The following ROBO2 variants were observed in gnomAD, a reference collection of about 807,000 sequenced individuals.
ROBO2 encodes roundabout homolog 2.
In ROBO2, 53 loss-of-function variants were observed where a neutral mutation model predicts 160.8. That is an observed-to-expected ratio of 0.33 (90% CI 0.26 to 0.41). The LOEUF (loss-of-function observed/expected upper bound fraction) is 0.41, where lower values mean the gene tolerates loss of function less well. Ranked by LOEUF, ROBO2 falls within the 10% of genes least tolerant of loss-of-function variation. The pLI, the probability that ROBO2 is intolerant of heterozygous loss-of-function variation, is 1.00. For missense variants in ROBO2, 1,577 were observed against 1,722.4 expected (o/e 0.92, Z 1.49); for synonymous variants, 664 against 611.7 (o/e 1.09, Z -1.26).
intron 2 of ROBO2, among the ~76,000 whole-genome samples, chr3:77,125,758 G>T (rs543548311): frequency 3.3e-5 from 5 of 152,162 alleles, no homozygotes; most frequent in East Asian, 1.9e-4. Context: ...TAATAAAGTT[G>T]TTGTATATAT....
intron 2 of ROBO2, among the ~76,000 whole-genome samples, chr3:77,401,774 A>T (rs560661996): frequency 2.6e-5 from 4 of 152,128 alleles, no homozygotes; most frequent in Non-Finnish European, 5.9e-5. Context: ...ATAATTGGTT[A>T]TATACCCAAT....
At chr3:77,361,723 C>T (rs777221630) in intron 2 of ROBO2, among the ~76,000 whole-genome samples, 6 of 152,116 alleles carry the variant, frequency 3.9e-5, no homozygotes, top group South Asian at 2.1e-4. Context: ...CCCTTGGCCC[C>T]GACCTCTTAG....
intron 2 of ROBO2, among the ~76,000 whole-genome samples, chr3:76,904,415 C>T (rs1246744027): frequency 6.6e-6 from 1 of 152,092 alleles, no homozygotes; most frequent in Non-Finnish European, 1.5e-5. Flanking sequence ...GCTAAGCTGA[C>T]AAAACCTACT....
intron 2 of ROBO2, among the ~76,000 whole-genome samples, chr3:77,218,003 C>A (rs929646741): frequency 1.3e-5 from 2 of 152,168 alleles, no homozygotes; most frequent in Non-Finnish European, 2.9e-5. Flanking sequence ...TCCTGATTAT[C>A]CATGCCAAAG....
chr3:77,497,584 A>C (rs1428723179), intron 5 of ROBO2, among the ~76,000 whole-genome samples: 1 of 152,126 alleles, frequency 6.6e-6, no homozygotes, highest in Admixed American at 6.5e-5. Context: ...AAATACAGTA[A>C]AGAAGTAAAT....
Position 76,136,156 on chromosome 3 carries a change from CT to C in ROBO2, c.109+198555del, listed in dbSNP as rs752724642. Among the ~76,000 whole-genome samples, 47 of 152,190 alleles carry C rather than the reference CT, an allele frequency of 3.1e-4. 2 individuals are homozygous for C. The highest frequency in any genetic ancestry group is 5.0e-4 in the Non-Finnish European group (34 of 68,014). ...TTGTGTATCCATTGGGTTTAATACT[CT>C]CTTGACAGCATTTTTGGAAGGTATT... On this transcript the variant is annotated intron_variant, in intron 2 of 26. Coordinates refer to the ROBO2 transcript ENST00000487694.
intron 2 of ROBO2, among the ~76,000 whole-genome samples, chr3:76,790,449 G>A (rs1381402731): frequency 1.3e-5 from 2 of 151,608 alleles, no homozygotes; most frequent in African/African-American, 4.8e-5. Flanking sequence ...AACTACAGAT[G>A]CTTCTCCACT....
chr3:77,485,368 T>C (rs138279959), intron 4 of ROBO2, among the ~76,000 whole-genome samples: 1 of 152,290 alleles, frequency 6.6e-6, no homozygotes, highest in East Asian at 1.9e-4. Flanking sequence ...CATCTCATGA[T>C]GCTCTTGAGA....
intron 2 of ROBO2, among the ~76,000 whole-genome samples, chr3:77,382,815 T>G (rs975089019): frequency 3.3e-5 from 5 of 152,210 alleles, no homozygotes; most frequent in Non-Finnish European, 7.4e-5. Context: ...TATCCACTCA[T>G]TAGTCAATAG....
chr3:76,376,567 A>G (rs991636215), intron 2 of ROBO2, among the ~76,000 whole-genome samples: 6 of 152,242 alleles, frequency 3.9e-5, no homozygotes, highest in African/African-American at 1.4e-4. Context: ...TAGCAATATT[A>G]CTGAGCAAAT....
intron 2 of ROBO2, among the ~76,000 whole-genome samples, chr3:76,790,072 G>A (rs1357575186): frequency 6.6e-6 from 1 of 151,556 alleles, no homozygotes; most frequent in Non-Finnish European, 1.5e-5. Flanking sequence ...GTAAGTTTTG[G>A]TTAAGAAAAT....
At chr3:76,000,336 T>C (rs1276195237) in intron 2 of ROBO2, among the ~76,000 whole-genome samples, 2 of 152,128 alleles carry the variant, frequency 1.3e-5, no homozygotes, top group Non-Finnish European at 2.9e-5. Flanking sequence ...CCATAAAAAT[T>C]GTTCTAAAAA....
At chr3:77,149,796 C>CTTT (rs34729793) in intron 2 of ROBO2, among the ~76,000 whole-genome samples, 1 of 146,634 alleles carries the variant, frequency 6.8e-6, no homozygotes, top group African/African-American at 2.5e-5. Context: ...TCCTATTTTG[C>CTTT]TTTTTTTTTT....
intron 2 of ROBO2, among the ~76,000 whole-genome samples, chr3:76,954,549 C>G (rs2079135155): frequency 6.6e-6 from 1 of 152,094 alleles, no homozygotes; most frequent in Non-Finnish European, 1.5e-5. Context: ...AACTCTCTGA[C>G]CATAACCTGA....
At chr3:77,555,318 C>A (rs1359992565) in intron 8 of ROBO2, among the ~76,000 whole-genome samples, 1 of 151,854 alleles carries the variant, frequency 6.6e-6, no homozygotes, top group African/African-American at 2.4e-5. Context: ...ACCTACAATA[C>A]CCCTGAGATA....
intron 2 of ROBO2, among the ~76,000 whole-genome samples, chr3:76,127,598 AT>A (rs140766725): frequency 0.33 from 48,902 of 147,864 alleles, 8,157 homozygotes; most frequent in East Asian, 0.46. Context: ...GTTTGAAAAA[AT>A]ATATATATAT....
intron 2 of ROBO2, among the ~76,000 whole-genome samples, chr3:77,253,647 C>A (rs913177345): frequency 2.0e-5 from 3 of 152,056 alleles, no homozygotes; most frequent in African/African-American, 7.2e-5. Context: ...TCATGAAAAG[C>A]ACAATTATTT....
At chr3:76,095,191 A>G (rs924445648) in intron 2 of ROBO2, among the ~76,000 whole-genome samples, 3 of 152,080 alleles carry the variant, frequency 2.0e-5, no homozygotes, top group African/African-American at 7.2e-5. Flanking sequence ...AGAAAATCCA[A>G]ATATGGAACT....
At chr3:76,852,307 A>G (rs1419577541) in intron 2 of ROBO2, among the ~76,000 whole-genome samples, 2 of 152,204 alleles carry the variant, frequency 1.3e-5, no homozygotes, top group Non-Finnish European at 2.9e-5. Context: ...ATTTGCTTCT[A>G]TTAATTAAAG....
Sources: gnomAD v4.1 joint callset for allele counts (sites outside exome capture counted in the v4.1 genomes callset) on GRCh38, gnomAD v4.1.1 for gene constraint, MANE v1.5 for transcripts, NCBI Gene and HGNC (gene_info 2026-07-23, HGNC 2026-07-21) for gene names.